KANSL3: variants seen among roughly 807,000 people sequenced by gnomAD.
KANSL3 encodes KAT8 regulatory NSL complex subunit 3.
In KANSL3, 16 loss-of-function variants were observed where a neutral mutation model predicts 89.2. The observed-to-expected ratio is 0.18, with a 90% CI of 0.12 to 0.27. The LOEUF is 0.27. Ranked by LOEUF, KANSL3 falls within the 10% of genes least tolerant of loss-of-function variation. KANSL3 has a pLI of 1.00. For synonymous variants in KANSL3, 385 were observed against 419.7 expected (o/e 0.92, Z 1.01); for missense variants, 879 against 1,110.6 (o/e 0.79, Z 2.96).
At chr2:96,583,425 T>C in the KANSL3 span, among the ~76,000 whole-genome samples, 1 of 152,218 alleles carries the variant, frequency 6.6e-6, no homozygotes, top group African/African-American at 2.4e-5. Flanking sequence ...TCTGTACTCC[T>C]TTCTGGTTAC....
At chr2:96,619,051 C>T (rs1176949682) in intron 5 of KANSL3, among the ~76,000 whole-genome samples, 2 of 152,180 alleles carry the variant, frequency 1.3e-5, no homozygotes, top group Non-Finnish European at 2.9e-5. Flanking sequence ...CCTGGTAAAC[C>T]CTTCGTCTCC....
At chr2:96,634,690 T>A (rs1437499677) in intron 2 of KANSL3, among the ~76,000 whole-genome samples, 1 of 152,232 alleles carries the variant, frequency 6.6e-6, no homozygotes, top group Admixed American at 6.5e-5. Context: ...TGCATCCATT[T>A]CCAATGACTG....
At chr2:96,638,049 C>T (rs2074504440) in intron 1 of KANSL3, 1 of 152,418 alleles carries the variant, frequency 6.6e-6, no homozygotes, top group Non-Finnish European at 1.5e-5. Flanking sequence ...CGCCTCCCGC[C>T]TCCCGCTCCC....
Position 96,619,518 on chromosome 2 carries a change from A to C in KANSL3, c.504T>G (p.Arg168=). The change falls in exon 5 of 21, where the codon CGT becomes CGG. Residue 168 remains arginine, a synonymous_variant. Transcript: ENST00000431828. The stretch of plus-strand genomic sequence containing the variant: ...TCCTTGCACACTTGTCCACAGCAAC[A>C]CGGCGCAGCACTGGCTCATTACAAG... ...EGACNEPVLR[R]VAVDKCARRV... 6.2e-7 allele frequency: 1 copy of C among 1,613,926 alleles called. No individual in the cohort carries two copies. Among genetic ancestry groups the C allele is most frequent in the Non-Finnish European group, 8.5e-7 (1 of 1,179,804 alleles).
the KANSL3 span, among the ~76,000 whole-genome samples, chr2:96,586,523 C>G: frequency 6.6e-6 from 1 of 152,190 alleles, no homozygotes. Context: ...CAAACTGAGG[C>G]CTTTCAATTT....
At position 96,596,909 on chromosome 2, in the gene KANSL3, A is replaced by T. The variant is rs541766129; in HGVS notation, c.2617-1278T>A. ...GAGTCCATTTTTTGGACCCTGATGC[A>T]GGGCACAACATAGTCTCTGTCTGTC... On this transcript the variant is annotated intron_variant, in intron 20 of 20. Transcript: ENST00000431828. Among the ~76,000 whole-genome samples the T allele has an allele frequency of 3.3e-5, 5 of 152,332 alleles. No homozygotes were observed. The South Asian group carries it at 1.0e-3, about 32-fold the overall frequency.
intron 20 of KANSL3, among the ~76,000 whole-genome samples, chr2:96,597,341 G>C (rs895405950): frequency 2.6e-5 from 4 of 152,066 alleles, no homozygotes; most frequent in Non-Finnish European, 5.9e-5. Flanking sequence ...CACCACAACA[G>C]TCACTGAATT....
At chr2:96,624,348 G>C (rs1294107048) in intron 3 of KANSL3, among the ~76,000 whole-genome samples, 1 of 152,046 alleles carries the variant, frequency 6.6e-6, no homozygotes, top group Non-Finnish European at 1.5e-5. Context: ...AAAGCTCTCT[G>C]GAAACATGGA....
rs113048429 is a variant in KANSL3 at position 96,602,852 on chromosome 2, T to G, written c.2160A>C (p.Ser720=). The G allele has an allele frequency of 2.9e-5, 46 of 1,613,916 alleles. 2 individuals carry two copies. In the African/African-American group the frequency reaches 4.5e-4, roughly 16 times the overall value. ...SPGSSLPGAT[S]ASSLLQGLSF... The stretch of plus-strand genomic sequence containing the variant: ...TGAGGCCTTGGAGGAGGCTGCTGGC[T>G]GATGTGGCCCCTAAGAGAGGACATA... The change falls in exon 18 of 21, where the codon TCA becomes TCC. Residue 720 remains serine (S), a synonymous_variant. Coordinates refer to ENST00000431828, the MANE Select transcript of KANSL3 (RefSeq NM_001115016.3).
intron 19 of KANSL3, 130 bp downstream of exon 19, chr2:96,601,986 G>T: frequency 8.5e-7 from 1 of 1,170,234 alleles, no homozygotes; most frequent in Non-Finnish European, 1.2e-6. Flanking sequence ...CCACACAGCT[G>T]AATCCAAAGG....
intron 20 of KANSL3, chr2:96,599,697 T>G: frequency 1.6e-6 from 1 of 616,030 alleles, no homozygotes; most frequent in Non-Finnish European, 2.0e-6. Context: ...GATAAAGATT[T>G]AACATCTGAA....
intron 3 of KANSL3, among the ~76,000 whole-genome samples, chr2:96,623,548 C>G (rs1348736529): frequency 2.6e-5 from 4 of 152,152 alleles, no homozygotes; most frequent in Non-Finnish European, 4.4e-5. Flanking sequence ...CAAATACCCT[C>G]TAGAAAGGAG....
intron 5 of KANSL3, among the ~76,000 whole-genome samples, chr2:96,614,183 C>T (rs551754623): frequency 8.2e-4 from 125 of 152,292 alleles, no homozygotes; most frequent in Non-Finnish European, 1.4e-3. Context: ...CCTCTGCCTC[C>T]CGGGTTCAAG....
chr2:96,620,542 A>T (rs575810040), intron 3 of KANSL3, among the ~76,000 whole-genome samples: 239 of 152,220 alleles, frequency 1.6e-3, no homozygotes, highest in Middle Eastern at 3.4e-3. Context: ...CATCACACCC[A>T]GTTTAGTGAT....
intron 8 of KANSL3, 53 bp from the exon 9 acceptor site, chr2:96,612,406 G>A: frequency 6.2e-7 from 1 of 1,603,786 alleles, no homozygotes; most frequent in Non-Finnish European, 8.5e-7. Flanking sequence ...GATAGGTGCA[G>A]AACAACCCCA....
At chr2:96,600,715 T>C (rs911923766) in intron 20 of KANSL3, 4 of 985,314 alleles carry the variant, frequency 4.1e-6, no homozygotes, top group African/African-American at 3.5e-5. Context: ...CAGATTACCA[T>C]TTTAAGATTA....
rs2068794193 is a variant in KANSL3, at chr2:96,610,786, C to T, written c.1259G>A (p.Arg420Gln). 4 of 1,613,854 alleles carry T rather than the reference C, an allele frequency of 2.5e-6. No homozygotes were observed. The South Asian group carries it at 3.3e-5, about 13-fold the overall frequency. Residue 420 changes from arginine (R) to glutamine (Q), a missense_variant, in exon 11 of 21, where the codon CGG (arginine) becomes CAG (glutamine). Physicochemically the swap from Arg to Gln is conservative, Grantham distance 43 (BLOSUM62 1). Around this residue, in one of 6 missense-constraint regions of KANSL3, gnomAD observed 198 missense variants for 260.3 expected, o/e 0.76. Transcript: ENST00000431828. ...GCTGTTCTCAGCTCGAATCTTCTCC[C>T]GGAAGTCCTCCATGGCTTCAGGGTG... is the stretch of plus-strand genomic sequence containing the variant. ...QCHPEAMEDF[R>Q]EKIRAENSLV... is the part of the protein sequence containing the mutation.
At chr2:96,589,013 A>G (rs902010604), downstream of KANSL3, among the ~76,000 whole-genome samples, 8 of 152,240 alleles carry the variant, frequency 5.3e-5, no homozygotes, top group Admixed American at 5.2e-4. Flanking sequence ...ATACCAGGAG[A>G]CTGTGGTAAG....
Position 96,594,474 on chromosome 2 carries a change from C to A in KANSL3, c.*1137G>T, listed in dbSNP as rs2066399954. ...GCTCAGGTTGGTACCAACAGCCCTG[C>A]ATAGTAGAGTCACTGTCAATCATCT... On this transcript the variant is annotated 3_prime_UTR_variant, in exon 21 of 21. Transcript: ENST00000431828. The A allele has an allele frequency of 6.6e-6, 1 of 152,168 alleles. No homozygotes were observed. Among genetic ancestry groups the A allele is most frequent in the Admixed American group, 6.5e-5 (1 of 15,278 alleles). The allele number at this position is 152,168 out of a possible 1,614,324, so 9.4% of individuals were successfully genotyped here. A position where few individuals can be genotyped will look rare whatever the true frequency, so the allele number is the denominator to read the frequency against.
Sources: gnomAD v4.1 joint callset for allele counts (sites outside exome capture counted in the v4.1 genomes callset) on GRCh38, gnomAD v4.1.1 for gene constraint, gnomAD v4.1.1 regional missense constraint, MANE v1.5 for transcripts, NCBI Gene and HGNC (gene_info 2026-07-23, HGNC 2026-07-21) for gene names.